The following CACHD1 variants were observed in gnomAD, a reference collection of about 807,000 sequenced individuals.
CACHD1 encodes the protein VWFA and cache domain-containing protein 1.
In CACHD1, 71 loss-of-function variants were observed where a neutral mutation model predicts 138.7. That is an observed-to-expected ratio of 0.51 (90% confidence interval 0.42 to 0.62). The LOEUF (loss-of-function observed/expected upper bound fraction) is 0.62, where lower values mean the gene tolerates loss of function less well. Ranked by LOEUF, CACHD1 falls within the 20% of genes least tolerant of loss-of-function variation. The probability of loss-of-function intolerance (pLI) is 0.00; values close to 1 mark genes in which losing one functional copy is unlikely to be tolerated. For synonymous variants in CACHD1, 578 were observed against 591.5 expected, an observed-to-expected ratio of 0.98 and a Z score of 0.33; for missense variants, 1,389 against 1,625.3, an observed-to-expected ratio of 0.85 and a Z score of 2.50.
At chr1:64,610,299 G>A (rs1425212967) in intron 4 of CACHD1, among the ~76,000 whole-genome samples, 1 of 152,094 alleles carries the variant, frequency 6.6e-6, no homozygotes, top group Non-Finnish European at 1.5e-5. Context: ...GCCCTTCTAA[G>A]AGTCCCCCAA....
At position 64,665,291 on chromosome 1, in the gene CACHD1, CA is replaced by C. The variant is rs145298751; in HGVS notation, c.2276+623del. 7.0e-4 allele frequency among the ~76,000 whole-genome samples: 99 copies of C among 141,370 alleles called. 1 individual carries two copies. The highest frequency in any genetic ancestry group is 1.4e-3 in the East Asian group (7 of 4,868). 92.7% of individuals were successfully genotyped at this position (141,370 alleles called of 152,430 possible). A position where few individuals can be genotyped will look rare whatever the true frequency, so the allele number is the denominator to read the frequency against. On this transcript the variant is annotated intron_variant, in intron 15 of 26. Transcript: ENST00000651257. The stretch of plus-strand genomic sequence containing the variant: ...GTAACATAGTGAAACCCCATCTCTA[CA>C]AAAAAAAAAATACAAAAATTAGTTG...
chr1:64,588,176 T>C lies in CACHD1; in HGVS notation c.410+5872T>C, dbSNP rs145517691. Among the ~76,000 whole-genome samples, 1,081 of 152,216 alleles carry C rather than the reference T, an allele frequency of 7.1e-3. 13 individuals are homozygous for C. The highest frequency in any genetic ancestry group is 0.025 in the African/African-American group (1,020 of 41,542). On this transcript the variant is annotated intron_variant, in intron 3 of 26. Coordinates refer to ENST00000651257, the MANE Select transcript of CACHD1 (RefSeq NM_020925.4). ...TTCCTGACCTTAAAAGACCATACGA[T>C]ATTAATAGATTTGACTTAAGAAAAA... is the stretch of plus-strand genomic sequence containing the variant.
At chr1:64,478,849 C>G (rs763465023) in intron 1 of CACHD1, among the ~76,000 whole-genome samples, 31 of 152,176 alleles carry the variant, frequency 2.0e-4, no homozygotes, top group Non-Finnish European at 2.8e-4. Flanking sequence ...GGCAGGACCA[C>G]TCAGTTACTC....
rs756308123 is a variant in CACHD1 at position 64,652,172 on chromosome 1, A to T, written c.1402A>T (p.Thr468Ser). The change falls in exon 10 of 27, where the codon ACT becomes TCT. Residue 468 changes from threonine to serine, a missense_variant. Around this residue, in one of 5 missense-constraint regions of CACHD1, gnomAD observed 1,000 missense variants for 1,114.7 expected, o/e 0.90. Transcript: ENST00000651257. Reference protein sequence around the residue: ...SDEMGDGLIMTVSKPCYFGNL... With the variant: ...SDEMGDGLIMSVSKPCYFGNL... ...TTTTTAACCCATAGGTTTGATAATG[A>T]CTGTGAGTAAACCCTGTTATTTTGG... 2.5e-6 allele frequency: 4 copies of T among 1,608,014 alleles called. No homozygotes were observed. Among genetic ancestry groups the T allele is most frequent in the Non-Finnish European group, 3.4e-6 (4 of 1,178,236 alleles).
chr1:64,482,714 C>T (rs189189265), intron 1 of CACHD1, among the ~76,000 whole-genome samples: 9 of 152,230 alleles, frequency 5.9e-5, no homozygotes, highest in Admixed American at 6.5e-5. Context: ...AATTATGAAC[C>T]AAACACATTT....
At chr1:64,521,361 A>ACT (rs1183366060) in intron 1 of CACHD1, among the ~76,000 whole-genome samples, 11 of 152,000 alleles carry the variant, frequency 7.2e-5, no homozygotes, top group Admixed American at 7.2e-4. Context: ...GCCAAAGAAA[A>ACT]CTCTGCTTTT....
In CACHD1 at chr1:64,675,990, T is replaced by C. The variant is rs761289524; in HGVS notation, c.2975+7T>C. 21 of 702,138 alleles carry C rather than the reference T, an allele frequency of 3.0e-5. No individual in the cohort carries two copies. Among genetic ancestry groups the C allele is most frequent in the Middle Eastern group, 6.5e-4 (2 of 3,096 alleles). 43.5% of individuals were successfully genotyped at this position (702,138 alleles called of 1,614,324 possible). ...TCACCAATGCAGAGAACCGGTAAAA[T>C]AATTAATAATAATAATAATAATAAT... On this transcript the variant is annotated splice_region_variant and intron_variant, in intron 21 of 26. Coordinates refer to ENST00000651257, the MANE Select transcript of CACHD1 (RefSeq NM_020925.4).
intron 7 of CACHD1, among the ~76,000 whole-genome samples, chr1:64,638,340 G>A (rs535994230): frequency 2.0e-5 from 3 of 152,310 alleles, no homozygotes; most frequent in African/African-American, 2.4e-5. Flanking sequence ...GACGATTGTT[G>A]TAAGGGTTAG....
intron 1 of CACHD1, among the ~76,000 whole-genome samples, chr1:64,482,905 G>A (rs1221762787): frequency 1.3e-5 from 2 of 152,164 alleles, no homozygotes; most frequent in Non-Finnish European, 2.9e-5. Context: ...ACTCATCTGC[G>A]TAGTCCTGGT....
chr1:64,511,252 A>C (rs1159384449), intron 1 of CACHD1, among the ~76,000 whole-genome samples: 7 of 152,228 alleles, frequency 4.6e-5, no homozygotes. Context: ...CTTATTTTAT[A>C]GATGAGGAAA....
intron 1 of CACHD1, among the ~76,000 whole-genome samples, chr1:64,533,887 G>GGAC (rs1431529232): frequency 6.6e-6 from 1 of 151,378 alleles, no homozygotes; most frequent in Non-Finnish European, 1.5e-5. Flanking sequence ...TGAGTAGCTG[G>GGAC]GACTACAGGC....
intron 1 of CACHD1, among the ~76,000 whole-genome samples, chr1:64,525,679 G>A (rs1646532948): frequency 6.6e-6 from 1 of 152,200 alleles, no homozygotes; most frequent in African/African-American, 2.4e-5. Flanking sequence ...TGATTCCACA[G>A]GTGCAATGGC....
chr1:64,642,010 C>T lies in CACHD1; in HGVS notation c.1156+41C>T, dbSNP rs12129100. The T allele has an allele frequency of 6.3e-3, 9,205 of 1,467,140 alleles. 38 individuals carry two copies. Among genetic ancestry groups the T allele is most frequent in the Non-Finnish European group, 7.2e-3 (7,958 of 1,104,106 alleles). 90.9% of individuals were successfully genotyped at this position (1,467,140 alleles called of 1,614,324 possible). On this transcript the variant is annotated intron_variant, in intron 8 of 26. Coordinates refer to ENST00000651257, the MANE Select transcript of CACHD1 (RefSeq NM_020925.4). ...AGATATTCCTTTCAGATCAAAGATC[C>T]CTCTAAGTGTATGCTGCTTTAAAAA...
At chr1:64,513,459 C>T (rs114987958) in intron 1 of CACHD1, among the ~76,000 whole-genome samples, 37 of 152,044 alleles carry the variant, frequency 2.4e-4, no homozygotes, top group Non-Finnish European at 5.1e-4. Context: ...AAGCACTGTG[C>T]GAATGCCATG....
intron 2 of CACHD1, among the ~76,000 whole-genome samples, chr1:64,568,241 A>G (rs1646898293): frequency 1.3e-5 from 2 of 152,190 alleles, no homozygotes; most frequent in Non-Finnish European, 2.9e-5. Flanking sequence ...GAAAAACTGC[A>G]GCTGTTGGAC....
chr1:64,577,221 C>T (rs991234587), intron 2 of CACHD1, among the ~76,000 whole-genome samples: 3 of 152,178 alleles, frequency 2.0e-5, no homozygotes, highest in Admixed American at 2.0e-4. Context: ...GTTGGGATTA[C>T]AGGTGTGAGC....
intron 16 of CACHD1, among the ~76,000 whole-genome samples, chr1:64,668,304 G>A (rs1649702643): frequency 1.3e-5 from 2 of 149,890 alleles, no homozygotes; most frequent in African/African-American, 4.9e-5. Context: ...TCCAGCCTGG[G>A]CGACAGAGCA....
Position 64,543,450 on chromosome 1 carries a change from G to A in CACHD1, c.199-7144G>A, listed in dbSNP as rs993330531. 6.2e-5 allele frequency among the ~76,000 whole-genome samples: 9 copies of A among 144,012 alleles called. No individual in the cohort carries two copies. The East Asian group carries it at 1.8e-3, about 28-fold the overall frequency. The allele number at this position is 144,012 out of a possible 152,430, so 94.5% of individuals were successfully genotyped here. Reference sequence around the variant, plus strand: ...ATTTAAATTAGCCAGCAGTGGTGATGCACACGTCCTAGCTACTTGGGAGGC... The same window carrying A: ...ATTTAAATTAGCCAGCAGTGGTGATACACACGTCCTAGCTACTTGGGAGGC... On this transcript the variant is annotated intron_variant, in intron 1 of 26. Coordinates refer to ENST00000651257, the MANE Select transcript of CACHD1 (RefSeq NM_020925.4).
At position 64,470,192 on chromosome 1, in the gene CACHD1, G is replaced by A. The variant is rs1416848332; in HGVS notation, c.-553G>A. Reference sequence around the variant, plus strand: ...CACCAGACGCCTCCCTTTCCCCACCGCTTGCTTTCTTTCTTTCAGTTGTGT... The same window carrying A: ...CACCAGACGCCTCCCTTTCCCCACCACTTGCTTTCTTTCTTTCAGTTGTGT... On this transcript the variant is annotated 5_prime_UTR_variant, in exon 1 of 27. Transcript: ENST00000651257. This position sits in a 1 kb window ranked among gnomAD's most constrained non-coding sequence, Gnocchi z 5.2. Among the ~76,000 whole-genome samples, 1 of 152,010 alleles carries A rather than the reference G, an allele frequency of 6.6e-6. No homozygotes were observed. Among genetic ancestry groups the A allele is most frequent in the South Asian group, 2.1e-4 (1 of 4,832 alleles).
Sources: allele counts gnomAD v4.1 joint callset (sites outside exome capture counted in the v4.1 genomes callset), GRCh38; gene constraint gnomAD v4.1.1; regional missense constraint gnomAD v4.1.1; non-coding constraint Gnocchi (gnomAD v3.1); transcripts MANE v1.5; gene names NCBI Gene and HGNC (gene_info 2026-07-23, HGNC 2026-07-21).